The following DNAH5 variants were observed in gnomAD, a reference collection of about 807,000 sequenced individuals.
DNAH5 encodes the protein axonemal beta dynein heavy chain 5.
In DNAH5, 372 loss-of-function variants were observed where a neutral mutation model predicts 518.2. The observed-to-expected ratio is 0.72, with a 90% confidence interval of 0.66 to 0.78. DNAH5 has a LOEUF of 0.78. DNAH5 is among the 30% of genes least tolerant of loss of function. DNAH5 has a pLI of 0.00. For synonymous variants in DNAH5, 2,039 were observed against 2,025.9 expected, an observed-to-expected ratio of 1.01 and a Z score of -0.17; for missense variants, 5,523 against 5,687.0, an observed-to-expected ratio of 0.97 and a Z score of 0.93.
At position 13,786,501 on chromosome 5, in the gene DNAH5, G is replaced by A. The variant is rs544080709; in HGVS notation, c.8648-150C>T. 5.2e-6 allele frequency: 4 copies of A among 767,510 alleles called. No individual in the cohort carries two copies. In the East Asian group the frequency reaches 1.1e-4, roughly 21 times the overall value. 47.5% of individuals were successfully genotyped at this position (767,510 alleles called of 1,614,324 possible). A position where few individuals can be genotyped will look rare whatever the true frequency, so the allele number is the denominator to read the frequency against. ...TAGTGTGTATTTTGCAAAAACAGAAGACAACAATAGAAGCGTTAGGATTTT... is the reference window on the plus strand; with the variant it reads ...TAGTGTGTATTTTGCAAAAACAGAAAACAACAATAGAAGCGTTAGGATTTT... On this transcript the variant is annotated intron_variant, in intron 51 of 78. Transcript: ENST00000265104.
At chr5:13,831,444 C>T (rs1281181379) in intron 35 of DNAH5, among the ~76,000 whole-genome samples, 2 of 152,144 alleles carry the variant, frequency 1.3e-5, no homozygotes, top group Non-Finnish European at 2.9e-5. Flanking sequence ...CCTGGTGTTA[C>T]CAAAGGAGAC....
At chr5:14,000,490 A>G (rs1784278142) in intron 1 of DNAH5, among the ~76,000 whole-genome samples, 1 of 152,180 alleles carries the variant, frequency 6.6e-6, no homozygotes, top group South Asian at 2.1e-4. Flanking sequence ...CATGATAGTT[A>G]TATGATGAGC....
chr5:13,882,475 G>A (rs1052171901), intron 21 of DNAH5, among the ~76,000 whole-genome samples: 51 of 152,146 alleles, frequency 3.4e-4, no homozygotes, highest in Non-Finnish European at 3.1e-4. Flanking sequence ...ATGATTAAGT[G>A]AAATTTATCC....
chr5:13,774,135 T>G (rs762753672), intron 55 of DNAH5, among the ~76,000 whole-genome samples: 1 of 152,092 alleles, frequency 6.6e-6, no homozygotes, highest in Non-Finnish European at 1.5e-5. Context: ...CTGTCTGCAA[T>G]GTGAGATGGA....
Position 13,716,514 on chromosome 5 carries a change from T to C in DNAH5, c.12882A>G (p.Thr4294=), listed in dbSNP as rs1288028452. Residue 4294 remains threonine, a synonymous_variant, in exon 74 of 79, where the codon ACA becomes ACG. Coordinates refer to ENST00000265104, the MANE Select transcript of DNAH5 (RefSeq NM_001369.3). ...GGATATACTGAAGATAGTTATCCACTGTGCTGCATTTTGGAATATTGTATC... is the reference window on the plus strand; with the variant it reads ...GGATATACTGAAGATAGTTATCCACCGTGCTGCATTTTGGAATATTGTATC... ...YQGYNIPKCS[T]VDNYLQYIQS... is the part of the protein sequence containing the mutation. The C allele has an allele frequency of 2.5e-6, 4 of 1,613,876 alleles. No homozygotes were observed. The highest frequency in any genetic ancestry group is 3.4e-6 in the Non-Finnish European group (4 of 1,179,806).
chr5:13,786,488 T>A, intron 51 of DNAH5, 137 bp from the exon 52 acceptor site: 1 of 903,426 alleles, frequency 1.1e-6, no homozygotes, highest in Non-Finnish European at 1.7e-6. Flanking sequence ...GTGTGTATTT[T>A]GCAAAAACAG....
intron 68 of DNAH5, among the ~76,000 whole-genome samples, chr5:13,730,431 T>A (rs1015206373): frequency 1.5e-4 from 22 of 151,600 alleles, no homozygotes; most frequent in African/African-American, 4.4e-4. Flanking sequence ...TATGCATTAT[T>A]CTTTCTTTCT....
intron 1 of DNAH5, among the ~76,000 whole-genome samples, chr5:14,008,809 CTG>C (rs1784911310): frequency 6.6e-6 from 1 of 152,228 alleles, no homozygotes; most frequent in Non-Finnish European, 1.5e-5. Flanking sequence ...GCCCAGGTAT[CTG>C]TAATACCATT....
intron 1 of DNAH5, among the ~76,000 whole-genome samples, chr5:13,978,917 A>G (rs1167361484): frequency 6.6e-6 from 1 of 152,170 alleles, no homozygotes; most frequent in Non-Finnish European, 1.5e-5. Flanking sequence ...AACCCTGGCT[A>G]ATACAATGTC....
In DNAH5 at chr5:14,009,435, T is replaced by C. The variant is rs545236731; in HGVS notation, c.12+2213A>G. On this transcript the variant is annotated intron_variant, in intron 1 of 78. Transcript: ENST00000681290. The stretch of plus-strand genomic sequence containing the variant: ...GCGAGAATTGAACATTCTGTGAAAG[T>C]GACATTTCAGGGATGCAACAATTTC... Among the ~76,000 whole-genome samples the C allele has an allele frequency of 7.2e-5, 11 of 152,332 alleles. No individual in the cohort carries two copies. In the East Asian group the frequency reaches 1.5e-3, roughly 21 times the overall value.
At chr5:13,725,397 C>G (rs1057042495) in intron 70 of DNAH5, among the ~76,000 whole-genome samples, 1 of 152,218 alleles carries the variant, frequency 6.6e-6, no homozygotes, top group Admixed American at 6.5e-5. Flanking sequence ...GAGCAAGTCA[C>G]TGGCTAGGGA....
chr5:13,950,303 G>C (rs778347546), intron 1 of DNAH5, among the ~76,000 whole-genome samples: 2 of 151,130 alleles, frequency 1.3e-5, no homozygotes, highest in Non-Finnish European at 3.0e-5. Flanking sequence ...TTTTTTTTGA[G>C]ATGGGAGTTT....
At chr5:13,809,020 G>T in intron 46 of DNAH5, 24 bp downstream of exon 46, 2 of 1,612,856 alleles carry the variant, frequency 1.2e-6, no homozygotes, top group Non-Finnish European at 1.7e-6. Context: ...ATATGCTACA[G>T]TTAATAAAAA....
chr5:13,982,833 A>G (rs1330334902), intron 1 of DNAH5, among the ~76,000 whole-genome samples: 3 of 152,268 alleles, frequency 2.0e-5, no homozygotes, highest in Non-Finnish European at 4.4e-5. Context: ...TTGGAGCAGG[A>G]AGACCATGGC....
chr5:13,957,902 C>A (rs1476185291), intron 1 of DNAH5, among the ~76,000 whole-genome samples: 1 of 151,352 alleles, frequency 6.6e-6, no homozygotes, highest in African/African-American at 2.4e-5. Context: ...AACATATATT[C>A]TTCTACTCCA....
intron 52 of DNAH5, among the ~76,000 whole-genome samples, chr5:13,783,371 C>T (rs776816136): frequency 2.0e-4 from 30 of 152,076 alleles, no homozygotes; most frequent in Non-Finnish European, 2.6e-4. Flanking sequence ...AGCAGTGGTC[C>T]ATCCTGTCAA....
chr5:13,796,893 A>G (rs1757910314), intron 47 of DNAH5, among the ~76,000 whole-genome samples: 3 of 152,086 alleles, frequency 2.0e-5, no homozygotes, highest in African/African-American at 2.4e-5. Flanking sequence ...CAGAAATAAC[A>G]CCACACATCT....
chr5:13,782,133 G>A (rs965373656), intron 52 of DNAH5, among the ~76,000 whole-genome samples: 2 of 152,144 alleles, frequency 1.3e-5, no homozygotes, highest in African/African-American at 4.8e-5. Flanking sequence ...TTTGAGCCTA[G>A]GGGTATCACT....
intron 1 of DNAH5, among the ~76,000 whole-genome samples, chr5:13,987,688 A>C (rs1016890906): frequency 6.6e-6 from 1 of 152,040 alleles, no homozygotes; most frequent in Non-Finnish European, 1.5e-5. Flanking sequence ...CCCCGTCTCT[A>C]CTAAAAATAC....
Sources: allele counts gnomAD v4.1 joint callset (sites outside exome capture counted in the v4.1 genomes callset), GRCh38; gene constraint gnomAD v4.1.1; transcripts MANE v1.5; gene names NCBI Gene and HGNC (gene_info 2026-07-23, HGNC 2026-07-21).